DRD3: variants seen among roughly 807,000 people sequenced by gnomAD.
DRD3 encodes D(3) dopamine receptor.
DRD3 carries 19 observed loss-of-function variants against 36.3 expected under a neutral mutation model. The observed-to-expected ratio is 0.52, with a 90% CI of 0.36 to 0.77. DRD3 has a LOEUF of 0.77. DRD3 is among the 30% of genes least tolerant of loss of function. The pLI, the probability that DRD3 is intolerant of heterozygous loss-of-function variation, is 0.00. For missense variants in DRD3, 465 were observed against 505.3 expected (o/e 0.92, Z 0.77); for synonymous variants, 195 against 203.7 (o/e 0.96, Z 0.36).
At chr3:114,145,983 G>A (rs554545526) in intron 4 of DRD3, among the ~76,000 whole-genome samples, 1 of 152,274 alleles carries the variant, frequency 6.6e-6, no homozygotes, top group African/African-American at 2.4e-5. Flanking sequence ...ATTTACCAAT[G>A]AGGAACTCAG....
intron 2 of DRD3, among the ~76,000 whole-genome samples, chr3:114,163,433 C>G (rs1290476963): frequency 6.6e-6 from 1 of 151,994 alleles, no homozygotes; most frequent in African/African-American, 2.4e-5. Flanking sequence ...AAATGGAGAC[C>G]TGGAAGGGTT....
intron 2 of DRD3, among the ~76,000 whole-genome samples, chr3:114,167,494 C>T (rs1315537438): frequency 6.6e-6 from 1 of 152,224 alleles, no homozygotes; most frequent in Admixed American, 6.5e-5. Context: ...CAGAAGCCCT[C>T]TGAAATATAA....
At chr3:114,170,989 G>A (rs1220456205) in intron 2 of DRD3, among the ~76,000 whole-genome samples, 2 of 152,132 alleles carry the variant, frequency 1.3e-5, no homozygotes, top group African/African-American at 2.4e-5. Flanking sequence ...TGGGTGTTTT[G>A]TCTTGACCAC....
chr3:114,167,375 G>A (rs747183875), intron 2 of DRD3, among the ~76,000 whole-genome samples: 25 of 152,308 alleles, frequency 1.6e-4, no homozygotes, highest in African/African-American at 4.8e-4. Context: ...GAGTGCAGAC[G>A]GTAAAGCAGG....
intron 6 of DRD3, among the ~76,000 whole-genome samples, chr3:114,129,841 T>G (rs969965116): frequency 1.3e-5 from 2 of 152,242 alleles, no homozygotes; most frequent in Admixed American, 6.5e-5. Flanking sequence ...GTGGATCACC[T>G]GAGGTCAGGA....
At chr3:114,141,646 C>A (rs978881064) in intron 4 of DRD3, among the ~76,000 whole-genome samples, 1 of 151,872 alleles carries the variant, frequency 6.6e-6, no homozygotes, top group Admixed American at 6.6e-5. Context: ...ACATCTTTGC[C>A]ACTAGAATCT....
chr3:114,173,048 G>A (rs1416530629), intron 1 of DRD3, among the ~76,000 whole-genome samples: 2 of 151,968 alleles, frequency 1.3e-5, no homozygotes, highest in East Asian at 3.9e-4. Context: ...GTCTTTGAGA[G>A]GTGATTAGGT....
chr3:114,151,906 G>T (rs1427022274), intron 3 of DRD3, among the ~76,000 whole-genome samples: 1 of 152,232 alleles, frequency 6.6e-6, no homozygotes, highest in African/African-American at 2.4e-5. Context: ...CGCTTGCAGA[G>T]CACTGCGTGC....
chr3:114,158,234 G>A (rs2077700376), intron 3 of DRD3, among the ~76,000 whole-genome samples: 1 of 148,550 alleles, frequency 6.7e-6, no homozygotes, highest in Non-Finnish European at 1.5e-5. Flanking sequence ...CAACATAGCA[G>A]GACCTCATCT....
chr3:114,190,411 A>AACAT (rs1368425474), intron 1 of DRD3, among the ~76,000 whole-genome samples: 29 of 40,884 alleles, frequency 7.1e-4, no homozygotes, highest in Non-Finnish European at 9.1e-4. Context: ...GAAAAAGGAT[A>AACAT]ATATATATAT....
At chr3:114,175,476 AC>A (rs1343415762) in intron 1 of DRD3, among the ~76,000 whole-genome samples, 1 of 152,218 alleles carries the variant, frequency 6.6e-6, no homozygotes, top group Non-Finnish European at 1.5e-5. Flanking sequence ...ATTCATGCTT[AC>A]AAAATCTAAG....
intron 1 of DRD3, among the ~76,000 whole-genome samples, chr3:114,188,755 T>C (rs764440339): frequency 2.3e-4 from 35 of 152,156 alleles, no homozygotes; most frequent in Admixed American, 1.0e-3. Context: ...GCAAAGGAAA[T>C]AGGAGCACTG....
intron 3 of DRD3, among the ~76,000 whole-genome samples, chr3:114,153,291 C>T (rs139991848): frequency 1.1e-4 from 16 of 151,236 alleles, no homozygotes; most frequent in African/African-American, 3.6e-4. Flanking sequence ...TCACAGTGCC[C>T]AGTGATTAAT....
At chr3:114,168,040 C>T (rs1446990922) in intron 2 of DRD3, among the ~76,000 whole-genome samples, 5 of 152,176 alleles carry the variant, frequency 3.3e-5, no homozygotes, top group African/African-American at 1.2e-4. Context: ...GCAGCCCACC[C>T]TACCAGAGGA....
At chr3:114,159,697 C>T in intron 3 of DRD3, 58 bp downstream of exon 3, 1 of 1,448,522 alleles carries the variant, frequency 6.9e-7, no homozygotes, top group African/African-American at 1.4e-5. Flanking sequence ...AGTGCACAAT[C>T]TGTCTCTCCC....
intron 5 of DRD3, among the ~76,000 whole-genome samples, chr3:114,137,915 G>A (rs113574410): frequency 0.041 from 5,902 of 145,206 alleles, 149 homozygotes; most frequent in South Asian, 0.081. Context: ...GGAGAATGGC[G>A]TGAACCCGGG....
upstream of DRD3, among the ~76,000 whole-genome samples, chr3:114,183,957 A>G (rs545094876): frequency 1.3e-5 from 2 of 152,170 alleles, no homozygotes; most frequent in East Asian, 1.9e-4. Flanking sequence ...ATCCATTTAC[A>G]TTTAAAGAAA....
intron 1 of DRD3, among the ~76,000 whole-genome samples, chr3:114,187,545 G>T (rs2077982212): frequency 6.6e-6 from 1 of 152,170 alleles, no homozygotes; most frequent in Non-Finnish European, 1.5e-5. Flanking sequence ...TGTCATTGAT[G>T]TTCAGATATC....
chr3:114,166,137 C>T (rs1412069926), intron 2 of DRD3, among the ~76,000 whole-genome samples: 2 of 152,148 alleles, frequency 1.3e-5, no homozygotes, highest in Admixed American at 6.5e-5. Context: ...AGGTACCTGC[C>T]ACTATGCCTG....
Sources: allele counts gnomAD v4.1 joint callset (sites outside exome capture counted in the v4.1 genomes callset), GRCh38; gene constraint gnomAD v4.1.1; transcripts MANE v1.5; gene names NCBI Gene and HGNC (gene_info 2026-07-23, HGNC 2026-07-21).